PBRM1: variants seen among roughly 807,000 people sequenced by gnomAD.
PBRM1 encodes the protein polybromo 1, also known as protein polybromo-1.
PBRM1 carries 27 observed loss-of-function variants against 194.5 expected under a neutral mutation model. The observed-to-expected ratio is 0.14, with a 90% CI of 0.10 to 0.19. The LOEUF (loss-of-function observed/expected upper bound fraction) is 0.19, where lower values mean the gene tolerates loss of function less well. Among genes scored for constraint, PBRM1 ranks in the 10% least tolerant of loss-of-function variants. The probability of loss-of-function intolerance (pLI) is 1.00; values close to 1 mark genes in which losing one functional copy is unlikely to be tolerated. For synonymous variants in PBRM1, 655 were observed against 693.2 expected, an observed-to-expected ratio of 0.94 and a Z score of 0.87; for missense variants, 1,466 against 2,077.2, an observed-to-expected ratio of 0.71 and a Z score of 5.72.
intron 15 of PBRM1, among the ~76,000 whole-genome samples, chr3:52,612,845 G>A (rs1271757073): frequency 3.3e-5 from 5 of 150,184 alleles, no homozygotes; most frequent in Non-Finnish European, 4.4e-5. Context: ...GACGGAGTCT[G>A]TAGTGAGCCG....
intron 2 of PBRM1, among the ~76,000 whole-genome samples, chr3:52,669,134 T>C (rs1348460157): frequency 3.3e-5 from 5 of 152,116 alleles, no homozygotes; most frequent in Admixed American, 6.5e-5. Flanking sequence ...GCTGCTACAA[T>C]AGCAATTACT....
At chr3:52,554,595 C>A (rs1211800389) in intron 27 of PBRM1, 129 bp downstream of exon 29, 6 of 728,182 alleles carry the variant, frequency 8.2e-6, no homozygotes, top group Non-Finnish European at 1.3e-5. Context: ...CTGCTGACAA[C>A]CTTTGGATTC....
exon 17 of PBRM1, chr3:52,603,658 T>C: frequency 6.2e-7 from 1 of 1,613,402 alleles, no homozygotes; most frequent in Non-Finnish European, 8.5e-7. Context: ...CTCTCCATTT[T>C]TGCAGAGTTC....
intron 15 of PBRM1, among the ~76,000 whole-genome samples, chr3:52,612,120 C>T (rs1254765802): frequency 1.3e-5 from 2 of 151,462 alleles, no homozygotes; most frequent in African/African-American, 4.9e-5. Context: ...ATCAGCCGGG[C>T]GTGGTGGTGC....
intron 5 of PBRM1, among the ~76,000 whole-genome samples, chr3:52,654,564 AC>A (rs1467105575): frequency 6.6e-6 from 1 of 152,064 alleles, no homozygotes; most frequent in Non-Finnish European, 1.5e-5. Context: ...TCAAACTGTC[AC>A]ACCCTGAGAG....
chr3:52,664,059 C>CAAA (rs748042916), intron 3 of PBRM1, among the ~76,000 whole-genome samples: 2 of 92,902 alleles, frequency 2.2e-5, no homozygotes, highest in African/African-American at 4.1e-5. Context: ...GACTCCGTCT[C>CAAA]AAAAAAAAAA....
At chr3:52,547,478 T>G (rs1463222798), downstream of PBRM1, 1 of 233,542 alleles carries the variant, frequency 4.3e-6, no homozygotes, top group East Asian at 6.0e-5. Context: ...ATCTAAAACC[T>G]AAATAACCAC....
At chr3:52,596,365 G>C (rs911429202) in intron 17 of PBRM1, among the ~76,000 whole-genome samples, 1 of 142,612 alleles carries the variant, frequency 7.0e-6, no homozygotes, top group African/African-American at 2.6e-5. Flanking sequence ...TTGAACCCAG[G>C]AGGCGGAGGT....
chr3:52,559,102 C>T (rs2082839761), intron 25 of PBRM1, among the ~76,000 whole-genome samples: 1 of 152,156 alleles, frequency 6.6e-6, no homozygotes, highest in African/African-American at 2.4e-5. Context: ...ATTAAATAAA[C>T]ACGTATGTAG....
intron 20 of PBRM1, among the ~76,000 whole-genome samples, chr3:52,582,835 C>T (rs1012919044): frequency 1.2e-4 from 18 of 152,018 alleles, no homozygotes; most frequent in South Asian, 2.1e-4. Flanking sequence ...CGGTGGCTCA[C>T]GCCTGTAATC....
At chr3:52,568,388 T>A (rs963850489) in intron 22 of PBRM1, among the ~76,000 whole-genome samples, 20 of 152,270 alleles carry the variant, frequency 1.3e-4, no homozygotes, top group African/African-American at 4.6e-4. Context: ...GAAAATCAGA[T>A]CTTTGTCTAT....
chr3:52,563,637 T>A, intron 23 of PBRM1, 144 bp from the exon 26 acceptor site: 1 of 615,212 alleles, frequency 1.6e-6, no homozygotes, highest in Non-Finnish European at 2.9e-6. Context: ...AGAGTTTAAA[T>A]GTGTATTTAT....
intron 20 of PBRM1, among the ~76,000 whole-genome samples, chr3:52,583,355 G>A (rs115127278): frequency 2.0e-5 from 3 of 151,454 alleles, no homozygotes; most frequent in African/African-American, 7.3e-5. Flanking sequence ...ACGTTACAGT[G>A]AGCTGAGATC....
intron 29 of PBRM1, among the ~76,000 whole-genome samples, chr3:52,550,030 T>C (rs2080532807): frequency 6.6e-6 from 1 of 152,132 alleles, no homozygotes; most frequent in African/African-American, 2.4e-5. Flanking sequence ...CCAGCCTGGC[T>C]GATATGGTGA....
chr3:52,576,543 A>T (rs2153658411), exon 22 of PBRM1: 1 of 1,592,610 alleles, frequency 6.3e-7, no homozygotes. Flanking sequence ...ATACCTACCG[A>T]GAATACATGT....
intron 17 of PBRM1, among the ~76,000 whole-genome samples, chr3:52,602,785 T>C (rs979194865): frequency 1.3e-5 from 2 of 152,212 alleles, no homozygotes; most frequent in African/African-American, 4.8e-5. Context: ...AAAATTACTA[T>C]TCTCACCAAC....
chr3:52,641,832 G>T, intron 10 of PBRM1, 122 bp downstream of exon 11: 1 of 753,748 alleles, frequency 1.3e-6, no homozygotes, highest in Non-Finnish European at 2.4e-6. Context: ...ACAATCAAAT[G>T]CAATAAAATA....
At chr3:52,644,555 T>C (rs1212253540) in intron 8 of PBRM1, 149 bp downstream of exon 9, 1 of 368,358 alleles carries the variant, frequency 2.7e-6, no homozygotes, top group Non-Finnish European at 5.0e-6. Context: ...CGGCTAATTT[T>C]TGTATTTTTA....
At chr3:52,627,437 A>G (rs1256683201) in intron 12 of PBRM1, 67 bp from the exon 14 acceptor site, 1 of 901,840 alleles carries the variant, frequency 1.1e-6, no homozygotes, top group Non-Finnish European at 1.8e-6. Context: ...TATGAATGTT[A>G]AAGAGCTAGA....
Sources: allele counts gnomAD v4.1 joint callset (sites outside exome capture counted in the v4.1 genomes callset), GRCh38; gene constraint gnomAD v4.1.1; transcripts MANE v1.5; gene names NCBI Gene and HGNC (gene_info 2026-07-23, HGNC 2026-07-21).